CTNND2: variants seen among roughly 807,000 people sequenced by gnomAD.
CTNND2 encodes the protein catenin delta 2.
A neutral mutation model predicts 144.4 loss-of-function variants in CTNND2; 22 were observed. The observed-to-expected ratio is 0.15, with a 90% CI of 0.11 to 0.22. CTNND2 has a LOEUF of 0.22. CTNND2 is among the 10% of genes least tolerant of loss of function. The pLI is 1.00. For synonymous variants in CTNND2, 751 were observed against 695.6 expected, an observed-to-expected ratio of 1.08 and a Z score of -1.25; for missense variants, 1,353 against 1,618.8, an observed-to-expected ratio of 0.84 and a Z score of 2.82.
chr5:11,330,782 C>CACA (rs1491472776), intron 9 of CTNND2, among the ~76,000 whole-genome samples: 1 of 139,536 alleles, frequency 7.2e-6, no homozygotes, highest in Non-Finnish European at 1.6e-5. Context: ...AACTCTGTAT[C>CACA]AAAAAAAAAA....
chr5:11,399,388 T>C (rs1466405597), intron 5 of CTNND2, among the ~76,000 whole-genome samples: 2 of 152,186 alleles, frequency 1.3e-5, no homozygotes, highest in African/African-American at 4.8e-5. Context: ...AGCATTATCT[T>C]AGACAGTTGC....
At chr5:11,403,042 A>T (rs1348670216) in intron 5 of CTNND2, among the ~76,000 whole-genome samples, 8 of 151,734 alleles carry the variant, frequency 5.3e-5, no homozygotes, top group Admixed American at 1.3e-4. Flanking sequence ...TCTTTTTTTT[A>T]AATTTTATTT....
At chr5:11,158,779 A>G (rs996652216) in intron 12 of CTNND2, among the ~76,000 whole-genome samples, 1 of 152,194 alleles carries the variant, frequency 6.6e-6, no homozygotes, top group African/African-American at 2.4e-5. Context: ...CTTTCAAAAT[A>G]TAGATTATTT....
intron 16 of CTNND2, among the ~76,000 whole-genome samples, chr5:11,052,339 C>T (rs571161135): frequency 6.6e-6 from 1 of 152,302 alleles, no homozygotes; most frequent in South Asian, 2.1e-4. Flanking sequence ...GACACACATA[C>T]AGCTAGACAA....
rs753538384 is a variant in CTNND2, at chr5:11,364,841, C to T, written c.1227G>A (p.Glu409=). ...GTTCTGGGGACTGCAGGGCCCGCAA[C>T]TCTGGGCCCAGGTGCCCATGCTGGC... ...YSSQHGHLGP[E]LRALQSPEHH... The change falls in exon 8 of 22, where the codon GAG becomes GAA. Residue 409 remains glutamate, a synonymous_variant. Coordinates refer to ENST00000304623, the MANE Select transcript of CTNND2 (RefSeq NM_001332.4). The T allele has an allele frequency of 6.2e-7, 1 of 1,613,656 alleles. No homozygotes were observed. Among genetic ancestry groups the T allele is most frequent in the South Asian group, 1.1e-5 (1 of 91,032 alleles).
intron 9 of CTNND2, among the ~76,000 whole-genome samples, chr5:11,255,260 C>T (rs1744115354): frequency 6.6e-6 from 1 of 152,184 alleles, no homozygotes. Flanking sequence ...TGAAAAATGT[C>T]CATGCATCTC....
chr5:11,734,563 C>T (rs78782741), intron 1 of CTNND2, among the ~76,000 whole-genome samples: 3,342 of 152,226 alleles, frequency 0.022, 45 homozygotes, highest in East Asian at 0.057. Flanking sequence ...TTACAAAACC[C>T]CCATCTCAAT....
At chr5:11,773,539 C>T (rs979096971) in intron 1 of CTNND2, among the ~76,000 whole-genome samples, 1 of 152,076 alleles carries the variant, frequency 6.6e-6, no homozygotes, top group African/African-American at 2.4e-5. Context: ...CAGGGCTGGG[C>T]GTGGTGGCTC....
Position 11,889,578 on chromosome 5 carries a change from A to C in CTNND2, c.37+14239T>G, listed in dbSNP as rs977431488. Among the ~76,000 whole-genome samples the C allele has an allele frequency of 5.3e-5, 8 of 152,338 alleles. No homozygotes were observed. In the East Asian group the frequency reaches 1.5e-3, roughly 29 times the overall value. On this transcript the variant is annotated intron_variant, in intron 1 of 21. Transcript: ENST00000304623. ...TTATATTTCAAAGACATAATTCACT[A>C]AAGGCACAGCTAATTTAAATAAGCA... is the stretch of plus-strand genomic sequence containing the variant.
intron 1 of CTNND2, among the ~76,000 whole-genome samples, chr5:11,887,834 T>G (rs775854837): frequency 1.5e-4 from 23 of 152,226 alleles, no homozygotes; most frequent in Non-Finnish European, 3.2e-4. Context: ...TGAGGCATAC[T>G]GGTCAGGCAT....
At chr5:11,624,905 A>C (rs1781069183) in intron 2 of CTNND2, among the ~76,000 whole-genome samples, 1 of 152,104 alleles carries the variant, frequency 6.6e-6, no homozygotes. Flanking sequence ...ACTATGCTTG[A>C]AGTTGCATGT....
rs530550415 is a variant in CTNND2, at chr5:11,073,034, T to C, written c.2788+9662A>G. 2.0e-5 allele frequency among the ~76,000 whole-genome samples: 3 copies of C among 152,242 alleles called. No individual in the cohort carries two copies. In the South Asian group the frequency reaches 6.2e-4, roughly 31 times the overall value. Reference sequence around the variant, plus strand: ...CTGTCCTTGCCTGCTCCGTAATTTTTTGAGATCCAGTATAATAAATATAAT... The same window carrying C: ...CTGTCCTTGCCTGCTCCGTAATTTTCTGAGATCCAGTATAATAAATATAAT... On this transcript the variant is annotated intron_variant, in intron 16 of 21. Coordinates refer to ENST00000304623, the MANE Select transcript of CTNND2 (RefSeq NM_001332.4).
At chr5:11,722,464 A>T (rs1196457891) in intron 2 of CTNND2, among the ~76,000 whole-genome samples, 2 of 152,218 alleles carry the variant, frequency 1.3e-5, no homozygotes, top group Non-Finnish European at 1.5e-5. Flanking sequence ...TAAAAGAACT[A>T]CTCATATACA....
chr5:11,766,312 T>G (rs1015518583), intron 1 of CTNND2, among the ~76,000 whole-genome samples: 13 of 152,130 alleles, frequency 8.5e-5, no homozygotes, highest in African/African-American at 3.1e-4. Flanking sequence ...GGTGGTGATA[T>G]GGTTTGGCTG....
chr5:11,043,540 T>C (rs1365979702), intron 16 of CTNND2, among the ~76,000 whole-genome samples: 4 of 152,028 alleles, frequency 2.6e-5, no homozygotes, highest in Admixed American at 2.6e-4. Flanking sequence ...AGAAAAAACA[T>C]AAGGTATGAT....
intron 11 of CTNND2, among the ~76,000 whole-genome samples, chr5:11,196,803 C>T (rs1489707594): frequency 6.6e-6 from 1 of 152,218 alleles, no homozygotes. Flanking sequence ...GTAGGGGGCA[C>T]TGGTGTAGAC....
chr5:11,394,313 G>A (rs1418134270), intron 6 of CTNND2, among the ~76,000 whole-genome samples: 1 of 152,170 alleles, frequency 6.6e-6, no homozygotes, highest in African/African-American at 2.4e-5. Context: ...CAAGCACATG[G>A]GCTCATGGCA....
intron 3 of CTNND2, among the ~76,000 whole-genome samples, chr5:11,517,411 T>C (rs961935554): frequency 6.6e-6 from 1 of 152,218 alleles, no homozygotes; most frequent in Non-Finnish European, 1.5e-5. Context: ...AGGGTAACAC[T>C]AATTCAAGTG....
intron 2 of CTNND2, among the ~76,000 whole-genome samples, chr5:11,696,445 A>C (rs1163887143): frequency 6.6e-6 from 1 of 152,222 alleles, no homozygotes; most frequent in Non-Finnish European, 1.5e-5. Context: ...CAACTGCCCT[A>C]ATGAGAATCT....
Sources: allele counts gnomAD v4.1 joint callset (sites outside exome capture counted in the v4.1 genomes callset), GRCh38; gene constraint gnomAD v4.1.1; transcripts MANE v1.5; gene names NCBI Gene and HGNC (gene_info 2026-07-23, HGNC 2026-07-21).